Variants in PLA2G4A observed in about 807,000 individuals in gnomAD.
The protein encoded by PLA2G4A is phospholipase A2 group IVA, also known as cytosolic phospholipase A2.
Under a neutral mutation model 81.9 loss-of-function variants are expected in PLA2G4A, and 40 were observed. The observed-to-expected ratio is 0.49, with a 90% CI of 0.38 to 0.64. The LOEUF is 0.64. PLA2G4A is among the 30% of genes least tolerant of loss of function. PLA2G4A has a pLI of 0.00. For synonymous variants in PLA2G4A, 302 were observed against 296.9 expected (o/e 1.02, Z -0.18); for missense variants, 715 against 905.1 (o/e 0.79, Z 2.69).
chr1:186,877,286 G>A (rs1000732416), intron 3 of PLA2G4A, among the ~76,000 whole-genome samples: 7 of 152,076 alleles, frequency 4.6e-5, no homozygotes, highest in African/African-American at 7.2e-5. Context: ...ACGAGTTGAC[G>A]TATGCAAAGT....
intron 3 of PLA2G4A, among the ~76,000 whole-genome samples, chr1:186,890,788 G>A (rs1310171052): frequency 1.3e-5 from 2 of 151,660 alleles, no homozygotes; most frequent in African/African-American, 2.4e-5. Flanking sequence ...AGGAGGCCGA[G>A]GTTGCAGTGA....
chr1:186,854,503 A>G, intron 2 of PLA2G4A, 116 bp downstream of exon 2: 1 of 750,798 alleles, frequency 1.3e-6, no homozygotes, highest in Non-Finnish European at 2.5e-6. Flanking sequence ...TTGTTATTAA[A>G]CTCATATGAA....
chr1:186,907,163 A>C (rs1447859630), intron 6 of PLA2G4A, among the ~76,000 whole-genome samples, 161 bp downstream of exon 6: 3 of 152,156 alleles, frequency 2.0e-5, no homozygotes, highest in African/African-American at 7.2e-5. Context: ...ATACCTACAA[A>C]ATCTTTACAA....
rs1219735810 is a variant in PLA2G4A, at chr1:186,839,585, A to G, written c.-70+10550A>G. ...TTGATTTTACTAATGTATTTTTGGC[A>G]CAGTTCTCCAGCTTGCTACTCAAAG... On this transcript the variant is annotated intron_variant, in intron 1 of 17. Coordinates refer to ENST00000367466, the MANE Select transcript of PLA2G4A (RefSeq NM_024420.3). Among the ~76,000 whole-genome samples, 4 of 152,178 alleles carry G rather than the reference A, an allele frequency of 2.6e-5. No individual in the cohort carries two copies. The East Asian group carries it at 7.7e-4, about 29-fold the overall frequency.
At chr1:186,962,803 G>A (rs1657005743) in intron 14 of PLA2G4A, among the ~76,000 whole-genome samples, 1 of 145,318 alleles carries the variant, frequency 6.9e-6, no homozygotes, top group Non-Finnish European at 1.5e-5. Flanking sequence ...TAACAGGCGT[G>A]AGCCACTGCG....
intron 15 of PLA2G4A, among the ~76,000 whole-genome samples, chr1:186,969,542 A>G (rs1394974435): frequency 6.6e-6 from 1 of 151,576 alleles, no homozygotes; most frequent in Non-Finnish European, 1.5e-5. Flanking sequence ...TTTTCCATTC[A>G]CTCTTTATTT....
At chr1:186,936,191 A>G (rs957414955) in intron 8 of PLA2G4A, among the ~76,000 whole-genome samples, 3 of 151,972 alleles carry the variant, frequency 2.0e-5, no homozygotes, top group African/African-American at 7.2e-5. Context: ...GTGTGGTCCA[A>G]TTTATTGAAC....
chr1:186,954,535 C>G (rs1376947529), intron 13 of PLA2G4A, among the ~76,000 whole-genome samples: 3 of 151,932 alleles, frequency 2.0e-5, no homozygotes, highest in Non-Finnish European at 2.9e-5. Context: ...ACATGTATAG[C>G]TATGTATCAA....
At chr1:186,934,319 A>G (rs1443724177) in intron 8 of PLA2G4A, among the ~76,000 whole-genome samples, 1 of 151,760 alleles carries the variant, frequency 6.6e-6, no homozygotes, top group Non-Finnish European at 1.5e-5. Context: ...ATAATTGTGT[A>G]TGTGTGTGCT....
At chr1:186,984,755 A>G (rs1415152711) in intron 17 of PLA2G4A, among the ~76,000 whole-genome samples, 2 of 152,236 alleles carry the variant, frequency 1.3e-5, no homozygotes, top group East Asian at 1.9e-4. Context: ...TCATTTATTT[A>G]TTAATTCAAT....
intron 7 of PLA2G4A, among the ~76,000 whole-genome samples, chr1:186,912,097 C>T (rs545549778): frequency 1.3e-5 from 2 of 152,274 alleles, no homozygotes; most frequent in East Asian, 3.9e-4. Flanking sequence ...CACCCATTGG[C>T]AAGGGTGGGT....
rs137908662 is a variant in PLA2G4A, at chr1:186,844,603, T to A, written c.-69-9683T>A. Among the ~76,000 whole-genome samples, 144 of 152,272 alleles carry A rather than the reference T, an allele frequency of 9.5e-4. 1 individual carries two copies. The East Asian group carries it at 0.026, about 27-fold the overall frequency. On this transcript the variant is annotated intron_variant, in intron 1 of 17. Coordinates refer to ENST00000367466, the MANE Select transcript of PLA2G4A (RefSeq NM_024420.3). ...TTCAGGTATATACCCAGTAATGGGA[T>A]GGCTGGGTCAAATGGTATTTCTAGT...
intron 3 of PLA2G4A, among the ~76,000 whole-genome samples, chr1:186,876,973 C>A (rs972432968): frequency 2.0e-5 from 3 of 151,952 alleles, no homozygotes; most frequent in Non-Finnish European, 4.4e-5. Context: ...TTAATCATTC[C>A]CTTGGAAAAA....
At chr1:186,982,273 A>C (rs886936170) in intron 17 of PLA2G4A, among the ~76,000 whole-genome samples, 25 of 152,258 alleles carry the variant, frequency 1.6e-4, no homozygotes, top group African/African-American at 6.0e-4. Context: ...CAGCATGTAC[A>C]GACAAGGTCA....
At chr1:186,963,092 T>C (rs539314117) in intron 14 of PLA2G4A, among the ~76,000 whole-genome samples, 4 of 152,280 alleles carry the variant, frequency 2.6e-5, no homozygotes, top group East Asian at 1.9e-4. Context: ...ATAAGAATAG[T>C]AAATCTTATA....
intron 10 of PLA2G4A, among the ~76,000 whole-genome samples, chr1:186,945,363 G>A (rs1028280719): frequency 6.6e-6 from 1 of 152,146 alleles, no homozygotes; most frequent in African/African-American, 2.4e-5. Context: ...ACGGAAACTT[G>A]TCGGCCCTGT....
At chr1:186,830,799 T>G (rs1314057894) in intron 1 of PLA2G4A, among the ~76,000 whole-genome samples, 2 of 151,980 alleles carry the variant, frequency 1.3e-5, no homozygotes, top group Non-Finnish European at 2.9e-5. Flanking sequence ...AAAGCAGTCA[T>G]AAAATCGAAT....
intron 7 of PLA2G4A, among the ~76,000 whole-genome samples, chr1:186,925,438 G>C (rs1191733218): frequency 6.6e-6 from 1 of 152,108 alleles, no homozygotes; most frequent in Non-Finnish European, 1.5e-5. Context: ...CTTCTCCACA[G>C]CTTCTTTCTA....
chr1:186,837,486 T>C (rs1227528405), intron 1 of PLA2G4A, among the ~76,000 whole-genome samples: 2 of 151,692 alleles, frequency 1.3e-5, no homozygotes, highest in African/African-American at 2.4e-5. Context: ...TCACAGCACT[T>C]TGGGAGGCCG....
Sources: allele counts gnomAD v4.1 joint callset (sites outside exome capture counted in the v4.1 genomes callset), GRCh38; gene constraint gnomAD v4.1.1; transcripts MANE v1.5; gene names NCBI Gene and HGNC (gene_info 2026-07-23, HGNC 2026-07-21).